Variants in STK4 observed in about 807,000 individuals in gnomAD.
The protein encoded by STK4 is serine/threonine kinase 4.
Under a neutral mutation model 64.9 loss-of-function variants are expected in STK4, and 30 were observed. The observed-to-expected ratio is 0.46, with a 90% CI of 0.35 to 0.63. STK4 has a LOEUF of 0.63. STK4 is among the 20% of genes least tolerant of loss of function. The probability of loss-of-function intolerance (pLI) is 0.01; values close to 1 mark genes in which losing one functional copy is unlikely to be tolerated. For missense variants in STK4, 466 were observed against 598.5 expected, an observed-to-expected ratio of 0.78 and a Z score of 2.31; for synonymous variants, 177 against 199.0, an observed-to-expected ratio of 0.89 and a Z score of 0.93.
At chr20:45,009,511 A>G (rs1201432690) in intron 9 of STK4, among the ~76,000 whole-genome samples, 3 of 152,092 alleles carry the variant, frequency 2.0e-5, no homozygotes, top group African/African-American at 4.8e-5. Flanking sequence ...TGCTTTGGCT[A>G]TTTGGGCTCT....
chr20:44,998,933 C>T (rs746075284), intron 7 of STK4, among the ~76,000 whole-genome samples: 31 of 151,646 alleles, frequency 2.0e-4, no homozygotes, highest in African/African-American at 6.3e-4. Flanking sequence ...ATGAGCTGGG[C>T]GTGGTGGCGC....
At chr20:44,984,186 GTTTTTT>G (rs11397664) in intron 4 of STK4, among the ~76,000 whole-genome samples, 1 of 76,054 alleles carries the variant, frequency 1.3e-5, no homozygotes, top group Non-Finnish European at 2.3e-5. Flanking sequence ...TGTTGTCGTT[GTTTTTT>G]TTTTTTTTTT....
rs2067546119 is a variant in STK4, at chr20:44,987,268, C to A, written c.497C>A (p.Ala166Glu). The A allele has an allele frequency of 1.2e-6, 2 of 1,608,658 alleles. No homozygotes were observed. The highest frequency in any genetic ancestry group is 1.7e-5 in the Admixed American group (1 of 58,822). ...LLNTEGHAKL[A>E]DFGVAGQLTD... ...AATACAGAAGGACATGCAAAACTTG[C>A]AGATTTTGGGGTAGCAGGTCAACTT... The change falls in exon 5 of 11, where the codon GCA becomes GAA. Residue 166 changes from alanine (A) to glutamate (E), a missense_variant. This residue lies in a region of STK4 where 190 missense variants were observed against 289.7 expected (regional missense o/e 0.66). Coordinates refer to ENST00000372806, the MANE Select transcript of STK4 (RefSeq NM_006282.5).
chr20:44,968,921 T>G (rs1218292704), intron 1 of STK4, among the ~76,000 whole-genome samples: 1 of 152,174 alleles, frequency 6.6e-6, no homozygotes, highest in African/African-American at 2.4e-5. Context: ...GCAACGTAAA[T>G]TTATTCTCTC....
intron 10 of STK4, among the ~76,000 whole-genome samples, chr20:45,043,164 T>C (rs1414134202): frequency 6.6e-6 from 1 of 152,226 alleles, no homozygotes; most frequent in East Asian, 1.9e-4. Context: ...TCCATCCATA[T>C]CCCTGTGAAG....
At chr20:45,062,417 A>G (rs946473061) in intron 10 of STK4, among the ~76,000 whole-genome samples, 7 of 152,170 alleles carry the variant, frequency 4.6e-5, no homozygotes, top group African/African-American at 1.7e-4. Flanking sequence ...TGTCTTCATG[A>G]TTTATATTCC....
intron 10 of STK4, among the ~76,000 whole-genome samples, chr20:45,070,961 TATTTAATTACCAAG>T (rs1361706743): frequency 4.6e-5 from 7 of 152,062 alleles, no homozygotes; most frequent in Non-Finnish European, 7.4e-5. Context: ...CTGACCATGC[TATTTAATTACCAAG>T]ATTTAATTAC....
intron 5 of STK4, among the ~76,000 whole-genome samples, chr20:44,992,665 C>G (rs1179923578): frequency 1.3e-5 from 2 of 152,128 alleles, no homozygotes; most frequent in Admixed American, 6.6e-5. Flanking sequence ...TGCCACCATG[C>G]CTGGCTAATG....
chr20:44,978,287 T>C (rs1018939861), intron 2 of STK4, among the ~76,000 whole-genome samples, 156 bp from the exon 3 acceptor site: 1 of 152,238 alleles, frequency 6.6e-6, no homozygotes, highest in African/African-American at 2.4e-5. Flanking sequence ...GACAGTTTTT[T>C]CCCCAAAAGT....
chr20:45,020,556 C>T (rs1308050126), intron 9 of STK4, among the ~76,000 whole-genome samples: 1 of 151,850 alleles, frequency 6.6e-6, no homozygotes, highest in Non-Finnish European at 1.5e-5. Context: ...GTAAACCACC[C>T]TAAAATTTAG....
chr20:45,069,985 T>C (rs1308071775), intron 10 of STK4, among the ~76,000 whole-genome samples: 1 of 152,212 alleles, frequency 6.6e-6, no homozygotes, highest in African/African-American at 2.4e-5. Flanking sequence ...AAGGCTTGCC[T>C]GCATCCTCTG....
rs1217090451 is a variant in STK4, at chr20:44,975,296, T to C, written c.116+3138T>C. ...CTTGTGAGTATGATTGCTGAAATCT[T>C]CTAACCACCCCCTATCCCTGCCTTC... On this transcript the variant is annotated intron_variant, in intron 2 of 10. Transcript: ENST00000372806. 4.2e-6 allele frequency: 4 copies of C among 946,220 alleles called. No homozygotes were observed. In the African/African-American group the frequency reaches 7.1e-5, roughly 17 times the overall value. 58.6% of individuals were successfully genotyped at this position (946,220 alleles called of 1,614,324 possible). A position where few individuals can be genotyped will look rare whatever the true frequency, so the allele number is the denominator to read the frequency against.
At chr20:45,050,344 A>G (rs1317843499) in intron 10 of STK4, among the ~76,000 whole-genome samples, 3 of 152,188 alleles carry the variant, frequency 2.0e-5, no homozygotes, top group South Asian at 2.1e-4. Flanking sequence ...TGTCTTTGCC[A>G]GTCTCTCAAA....
chr20:45,053,162 C>G (rs758465524), intron 10 of STK4: 2 of 1,611,782 alleles, frequency 1.2e-6, no homozygotes, highest in African/African-American at 2.7e-5. Context: ...TGTAGATACG[C>G]TTTCTGAGAA....
At chr20:44,989,035 T>G (rs2067587452) in intron 5 of STK4, among the ~76,000 whole-genome samples, 2 of 152,218 alleles carry the variant, frequency 1.3e-5, no homozygotes, top group Non-Finnish European at 2.9e-5. Flanking sequence ...ATTCATTAGT[T>G]GAATATTTAG....
At chr20:45,018,604 A>G (rs1364199292) in intron 9 of STK4, among the ~76,000 whole-genome samples, 1 of 152,196 alleles carries the variant, frequency 6.6e-6, no homozygotes, top group Non-Finnish European at 1.5e-5. Flanking sequence ...CATATAATTT[A>G]CACACCATAC....
rs1555813605 is a variant in STK4, at chr20:45,011,730, T to TATATATATATA, written c.1147+10377_1147+10378insATATATATATA. Among the ~76,000 whole-genome samples, 357 of 83,512 alleles carry TATATATATATA rather than the reference T, an allele frequency of 4.3e-3. 1 individual carries two copies. The highest frequency in any genetic ancestry group is 5.4e-3 in the South Asian group (15 of 2,772). The allele number at this position is 83,512 out of a possible 152,430, so 54.8% of individuals were successfully genotyped here. The stretch of plus-strand genomic sequence containing the variant: ...ATACATATATATATATATATATATA[T>TATATATATATA]TTTTTTTTTTTTTTTTAAGTCAAGT... On this transcript the variant is annotated intron_variant, in intron 9 of 10. Transcript: ENST00000372806.
At chr20:44,981,735 C>G (rs1327237556) in intron 3 of STK4, 94 bp from the exon 4 acceptor site, 1 of 721,814 alleles carries the variant, frequency 1.4e-6, no homozygotes, top group African/African-American at 1.8e-5. Context: ...ATTGATCTTT[C>G]CAGATGAGGA....
At chr20:44,993,421 C>T (rs1054710700) in intron 5 of STK4, among the ~76,000 whole-genome samples, 1 of 152,124 alleles carries the variant, frequency 6.6e-6, no homozygotes, top group African/African-American at 2.4e-5. Context: ...TCCAAGTAAC[C>T]ATTTCTAATT....
Sources: allele counts gnomAD v4.1 joint callset (sites outside exome capture counted in the v4.1 genomes callset), GRCh38; gene constraint gnomAD v4.1.1; regional missense constraint gnomAD v4.1.1; transcripts MANE v1.5; gene names NCBI Gene and HGNC (gene_info 2026-07-23, HGNC 2026-07-21).